AUTS2: variants seen among roughly 807,000 people sequenced by gnomAD.
AUTS2 encodes activator of transcription and developmental regulator AUTS2.
A neutral mutation model predicts 112.4 loss-of-function variants in AUTS2; 17 were observed. The ratio of observed to expected loss-of-function variants is 0.15; its 90% confidence interval spans 0.10 to 0.23. AUTS2 has a LOEUF of 0.23. Ranked by LOEUF, AUTS2 falls within the 10% of genes least tolerant of loss-of-function variation. The pLI, the probability that AUTS2 is intolerant of heterozygous loss-of-function variation, is 1.00. For synonymous variants in AUTS2, 751 were observed against 702.7 expected, an observed-to-expected ratio of 1.07 and a Z score of -1.09; for missense variants, 1,510 against 1,701.6, an observed-to-expected ratio of 0.89 and a Z score of 1.98.
chr7:70,218,261 C>G (rs898981476), intron 4 of AUTS2, among the ~76,000 whole-genome samples: 2 of 152,144 alleles, frequency 1.3e-5, no homozygotes, highest in African/African-American at 4.8e-5. Context: ...TGACTTAGTG[C>G]TTTGAAGTGG....
At position 70,197,261 on chromosome 7, in the gene AUTS2, C is replaced by CCACA. The variant is rs10618080; in HGVS notation, c.660+62712_660+62715dup. On this transcript the variant is annotated intron_variant, in intron 4 of 18. Coordinates refer to ENST00000342771, the MANE Select transcript of AUTS2 (RefSeq NM_015570.4). ...CTAAATAGTTGCCAAAATTCTTAGT[C>CCACA]CACACACACACACACACACACACAC... Among the ~76,000 whole-genome samples the CCACA allele has an allele frequency of 1.9e-3, 290 of 149,218 alleles. 1 individual carries two copies. Among genetic ancestry groups the CCACA allele is most frequent in the African/African-American group, 5.6e-3 (229 of 40,782 alleles).
At chr7:70,243,231 T>TTTGTG (rs1377117364) in intron 4 of AUTS2, among the ~76,000 whole-genome samples, 14 of 131,754 alleles carry the variant, frequency 1.1e-4, no homozygotes, top group African/African-American at 4.0e-4. Context: ...GAATGTATCC[T>TTTGTG]TGTGTGTGTG....
chr7:70,758,887 G>A (rs938392717), intron 6 of AUTS2, among the ~76,000 whole-genome samples: 4 of 128,608 alleles, frequency 3.1e-5, no homozygotes, highest in East Asian at 2.2e-4. Context: ...ATGCATTACC[G>A]ATTAGCCACA....
chr7:70,622,307 C>T (rs1392540211), intron 5 of AUTS2, among the ~76,000 whole-genome samples: 2 of 152,126 alleles, frequency 1.3e-5, no homozygotes, highest in African/African-American at 4.8e-5. Flanking sequence ...AGGGGCCTGC[C>T]GTTGTCCTCT....
At chr7:69,644,515 C>T (rs996866835) in intron 1 of AUTS2, among the ~76,000 whole-genome samples, 8 of 148,746 alleles carry the variant, frequency 5.4e-5, no homozygotes, top group African/African-American at 1.2e-4. Context: ...AAAAAAAAAA[C>T]TTTTAAAGTT....
intron 2 of AUTS2, among the ~76,000 whole-genome samples, chr7:70,055,602 C>T (rs2129559957): frequency 6.6e-6 from 1 of 152,304 alleles, no homozygotes; most frequent in East Asian, 1.9e-4. Context: ...TTCCCAGTTT[C>T]CAGACAGAAG....
chr7:69,967,601 A>G (rs2064597756), intron 2 of AUTS2, among the ~76,000 whole-genome samples: 1 of 152,144 alleles, frequency 6.6e-6, no homozygotes. Context: ...TCCACCTTTT[A>G]TTCCTCCTGT....
chr7:69,682,542 A>G (rs1796846810), intron 1 of AUTS2, among the ~76,000 whole-genome samples: 1 of 152,214 alleles, frequency 6.6e-6, no homozygotes, highest in Admixed American at 6.5e-5. Context: ...GTGACTTAGT[A>G]CTAATACTAG....
At chr7:69,771,807 G>C (rs905806274) in intron 1 of AUTS2, among the ~76,000 whole-genome samples, 2 of 149,186 alleles carry the variant, frequency 1.3e-5, no homozygotes, top group African/African-American at 5.0e-5. Context: ...TTTTGAGATA[G>C]AGTTTTTGGT....
Position 70,324,177 on chromosome 7 carries a change from A to G in AUTS2, c.661-111575A>G, listed in dbSNP as rs370896959. Among the ~76,000 whole-genome samples the G allele has an allele frequency of 1.3e-4, 20 of 152,336 alleles. No individual in the cohort carries two copies. The East Asian group carries it at 3.9e-3, about 29-fold the overall frequency. On this transcript the variant is annotated intron_variant, in intron 4 of 18. Coordinates refer to ENST00000342771, the MANE Select transcript of AUTS2 (RefSeq NM_015570.4). Reference sequence around the variant, plus strand: ...TGTGAACATGAAAACTAGGCCGTACATTTTGGAAAATGATGTAAAAGGATT... The same window carrying G: ...TGTGAACATGAAAACTAGGCCGTACGTTTTGGAAAATGATGTAAAAGGATT...
In AUTS2 at chr7:69,927,186, TTA is replaced by T. The variant is rs67558137; in HGVS notation, c.522+27707_522+27708del. ...TTGAATGGAAAATACTCCAATATAT[TTA>T]TATATATATATATATATACATACTA... On this transcript the variant is annotated intron_variant, in intron 2 of 18. Transcript: ENST00000342771. 7.0e-3 allele frequency among the ~76,000 whole-genome samples: 1,003 copies of T among 142,324 alleles called. 3 individuals carry two copies. Among genetic ancestry groups the T allele is most frequent in the African/African-American group, 0.014 (560 of 39,196 alleles). The allele number at this position is 142,324 out of a possible 152,430, so 93.4% of individuals were successfully genotyped here.
intron 1 of AUTS2, among the ~76,000 whole-genome samples, chr7:69,732,991 G>T (rs1221652089): frequency 2.6e-5 from 4 of 152,162 alleles, no homozygotes; most frequent in Non-Finnish European, 5.9e-5. Flanking sequence ...CTACTTAAGG[G>T]TGTCTTTTGA....
intron 1 of AUTS2, among the ~76,000 whole-genome samples, chr7:69,670,139 G>A (rs1796250109): frequency 1.3e-5 from 2 of 152,102 alleles, no homozygotes; most frequent in South Asian, 4.1e-4. Flanking sequence ...TCTTCTTTAA[G>A]GTTGAGTCTT....
intron 4 of AUTS2, among the ~76,000 whole-genome samples, chr7:70,190,420 C>T (rs1434994906): frequency 6.6e-6 from 1 of 152,208 alleles, no homozygotes; most frequent in African/African-American, 2.4e-5. Flanking sequence ...CTCCTAGCAG[C>T]TGTTTTAAAT....
chr7:70,424,457 G>A (rs376081356), intron 4 of AUTS2, among the ~76,000 whole-genome samples: 184 of 152,244 alleles, frequency 1.2e-3, no homozygotes, highest in African/African-American at 4.2e-3. Flanking sequence ...GACATAACTG[G>A]GTTCAAGTGC....
intron 1 of AUTS2, among the ~76,000 whole-genome samples, chr7:69,840,761 C>T (rs1248767131): frequency 6.6e-6 from 1 of 152,148 alleles, no homozygotes; most frequent in Non-Finnish European, 1.5e-5. Flanking sequence ...TTGTAAATTA[C>T]ATGAAACAAA....
intron 5 of AUTS2, among the ~76,000 whole-genome samples, chr7:70,653,800 A>G (rs1056932085): frequency 1.3e-5 from 2 of 151,968 alleles, no homozygotes; most frequent in Non-Finnish European, 2.9e-5. Context: ...CTGGCTCTCA[A>G]CCCTGGTGTT....
intron 4 of AUTS2, among the ~76,000 whole-genome samples, chr7:70,303,440 A>G (rs997989328): frequency 2.4e-4 from 21 of 86,200 alleles, no homozygotes; most frequent in East Asian, 2.3e-3. Flanking sequence ...GCGCGCACAT[A>G]CACACACACA....
chr7:70,393,092 A>G (rs1793934692), intron 4 of AUTS2, among the ~76,000 whole-genome samples: 1 of 152,080 alleles, frequency 6.6e-6, no homozygotes, highest in African/African-American at 2.4e-5. Flanking sequence ...CCTGTAGGGG[A>G]GCGGGCCAAA....
Sources: allele counts gnomAD v4.1 joint callset (sites outside exome capture counted in the v4.1 genomes callset), GRCh38; gene constraint gnomAD v4.1.1; transcripts MANE v1.5; gene names NCBI Gene and HGNC (gene_info 2026-07-23, HGNC 2026-07-21).